The following PTPRD variants were observed in gnomAD, a reference collection of about 807,000 sequenced individuals.
PTPRD encodes the protein protein tyrosine phosphatase receptor type D, also known as receptor-type tyrosine-protein phosphatase delta.
In PTPRD, 34 loss-of-function variants were observed where a neutral mutation model predicts 214.5. The ratio of observed to expected loss-of-function variants is 0.16; its 90% CI spans 0.12 to 0.21. PTPRD has a LOEUF of 0.21. PTPRD is among the 10% of genes least tolerant of loss of function. PTPRD has a pLI of 1.00. For missense variants in PTPRD, 2,545 were observed against 2,398.7 expected, an observed-to-expected ratio of 1.06 and a Z score of -1.27; for synonymous variants, 1,128 against 845.7, an observed-to-expected ratio of 1.33 and a Z score of -5.79.
chr9:9,392,731 C>G (rs79889682), intron 9 of PTPRD, among the ~76,000 whole-genome samples: 1,642 of 152,222 alleles, frequency 0.011, 22 homozygotes, highest in African/African-American at 0.037. Context: ...CATAGATGAC[C>G]CACTGTTATT....
chr9:10,127,024 G>C (rs1341308137), intron 3 of PTPRD, among the ~76,000 whole-genome samples: 1 of 150,320 alleles, frequency 6.7e-6, no homozygotes, highest in Non-Finnish European at 1.5e-5. Context: ...TATTCAGTGT[G>C]GCCTCTTCAG....
chr9:10,353,857 C>G (rs190610470), intron 2 of PTPRD, among the ~76,000 whole-genome samples: 1 of 151,638 alleles, frequency 6.6e-6, no homozygotes, highest in Non-Finnish European at 1.5e-5. Context: ...GGAAAACTAC[C>G]ACAAAACACA....
intron 8 of PTPRD, among the ~76,000 whole-genome samples, chr9:9,533,351 G>A (rs189331690): frequency 5.1e-4 from 77 of 152,076 alleles, no homozygotes; most frequent in Non-Finnish European, 8.5e-4. Context: ...ACAATATGCC[G>A]GCCAAAATGC....
At chr9:10,070,762 GT>G (rs2097992348) in intron 3 of PTPRD, among the ~76,000 whole-genome samples, 1 of 151,754 alleles carries the variant, frequency 6.6e-6, no homozygotes, top group South Asian at 2.1e-4. Flanking sequence ...TATTTAGTAA[GT>G]TTTATTATGT....
At chr9:9,476,893 G>A (rs1471107935) in intron 8 of PTPRD, among the ~76,000 whole-genome samples, 2 of 151,874 alleles carry the variant, frequency 1.3e-5, no homozygotes, top group African/African-American at 4.8e-5. Flanking sequence ...GTGCCACCAT[G>A]CCTGACTAAT....
At chr9:10,258,713 G>A (rs1336943807) in intron 3 of PTPRD, among the ~76,000 whole-genome samples, 1 of 152,066 alleles carries the variant, frequency 6.6e-6, no homozygotes, top group Non-Finnish European at 1.5e-5. Context: ...CTAGAGTGTG[G>A]TTTCAGGTTT....
chr9:8,794,088 A>T (rs1186449237), intron 11 of PTPRD, among the ~76,000 whole-genome samples: 1 of 152,226 alleles, frequency 6.6e-6, no homozygotes, highest in Non-Finnish European at 1.5e-5. Flanking sequence ...TGAATCAAAG[A>T]GATATGCAAA....
rs138436380 is a variant in PTPRD at position 8,951,060 on chromosome 9, C to T, written c.-104+67637G>A. 1.8e-4 allele frequency among the ~76,000 whole-genome samples: 27 copies of T among 151,470 alleles called. No individual in the cohort carries two copies. The East Asian group carries it at 5.3e-3, about 30-fold the overall frequency. ...TCCTTTTAGTAAGTAAAGAGTTTTA[C>T]ATAATGTGAATATTATCTTTCTTAT... On this transcript the variant is annotated intron_variant, in intron 11 of 45. Transcript: ENST00000381196.
chr9:9,110,944 C>T (rs1039648300), intron 10 of PTPRD, among the ~76,000 whole-genome samples: 1 of 152,228 alleles, frequency 6.6e-6, no homozygotes, highest in African/African-American at 2.4e-5. Flanking sequence ...GTATGGCCCA[C>T]AATATCTAAA....
chr9:9,692,647 T>TG (rs2097295379), intron 7 of PTPRD, among the ~76,000 whole-genome samples: 2 of 94,962 alleles, frequency 2.1e-5, no homozygotes, highest in African/African-American at 7.7e-5. Context: ...AGTTTTTTTT[T>TG]TTTCTATTTC....
chr9:9,424,828 A>G (rs1454271340), intron 8 of PTPRD, among the ~76,000 whole-genome samples: 1 of 152,184 alleles, frequency 6.6e-6, no homozygotes, highest in African/African-American at 2.4e-5. Flanking sequence ...CATTTAGAAA[A>G]CGACAATTTA....
At chr9:9,592,106 G>T (rs1563914848) in intron 7 of PTPRD, among the ~76,000 whole-genome samples, 1 of 151,754 alleles carries the variant, frequency 6.6e-6, no homozygotes, top group Non-Finnish European at 1.5e-5. Flanking sequence ...AAAAATATTT[G>T]TTCTCAAAAT....
intron 9 of PTPRD, among the ~76,000 whole-genome samples, chr9:9,335,669 G>T (rs553426215): frequency 1.3e-5 from 2 of 151,976 alleles, no homozygotes; most frequent in African/African-American, 4.8e-5. Flanking sequence ...CATATTCATT[G>T]TTTCTTTCTT....
chr9:9,679,616 T>C (rs2097021204), intron 7 of PTPRD, among the ~76,000 whole-genome samples: 1 of 151,884 alleles, frequency 6.6e-6, no homozygotes, highest in South Asian at 2.1e-4. Context: ...GTGGGAACTT[T>C]TATGAAGTAG....
At chr9:10,211,763 T>C (rs533698579) in intron 3 of PTPRD, among the ~76,000 whole-genome samples, 4 of 152,096 alleles carry the variant, frequency 2.6e-5, no homozygotes, top group South Asian at 2.1e-4. Flanking sequence ...AACATGGACA[T>C]AGAGCACAGA....
At chr9:9,396,097 C>G (rs906779472) in intron 9 of PTPRD, among the ~76,000 whole-genome samples, 4 of 151,948 alleles carry the variant, frequency 2.6e-5, no homozygotes, top group African/African-American at 9.7e-5. Context: ...AGAAGCTAGT[C>G]AAGACCCAGT....
rs572420142 is a variant in PTPRD, at chr9:8,375,900, C to G, written c.4661+36G>C. The G allele has an allele frequency of 3.0e-5, 48 of 1,591,156 alleles. No individual in the cohort carries two copies. In the African/African-American group the frequency reaches 5.4e-4, roughly 18 times the overall value. Reference sequence around the variant, plus strand: ...ATCCAATGAGAGTCAATTTAGCTTTCTGTTTCCTGACTGCAAGTGAACAAA... The same window carrying G: ...ATCCAATGAGAGTCAATTTAGCTTTGTGTTTCCTGACTGCAAGTGAACAAA... On this transcript the variant is annotated intron_variant, in intron 39 of 45. Transcript: ENST00000381196.
chr9:8,841,819 C>G, intron 11 of PTPRD, among the ~76,000 whole-genome samples: 1 of 152,102 alleles, frequency 6.6e-6, no homozygotes, highest in East Asian at 1.9e-4. Context: ...CAAGACCAGC[C>G]TGGCCAACAT....
intron 14 of PTPRD, among the ~76,000 whole-genome samples, chr9:8,570,134 T>C (rs781286841): frequency 6.6e-6 from 1 of 152,036 alleles, no homozygotes; most frequent in Non-Finnish European, 1.5e-5. Context: ...CACTGAAAAA[T>C]GGGTTGAGAC....
Sources: allele counts gnomAD v4.1 joint callset (sites outside exome capture counted in the v4.1 genomes callset), GRCh38; gene constraint gnomAD v4.1.1; transcripts MANE v1.5; gene names NCBI Gene and HGNC (gene_info 2026-07-23, HGNC 2026-07-21).